Variants in KCNC2 observed in about 807,000 individuals in gnomAD.
KCNC2 encodes voltage-gated potassium channel KCNC2.
Under a neutral mutation model 44.5 loss-of-function variants are expected in KCNC2, and 21 were observed. The ratio of observed to expected loss-of-function variants is 0.47; its 90% CI spans 0.33 to 0.68. The LOEUF is 0.68. Ranked by LOEUF, KCNC2 falls within the 30% of genes least tolerant of loss-of-function variation. The pLI is 0.01. For synonymous variants in KCNC2, 391 were observed against 339.1 expected (o/e 1.15, Z -1.68); for missense variants, 589 against 826.2 (o/e 0.71, Z 3.52).
chr12:75,051,376 T>C, intron 2 of KCNC2, 59 bp from the exon 3 acceptor site: 1 of 973,274 alleles, frequency 1.0e-6, no homozygotes, highest in Non-Finnish European at 1.5e-6. Context: ...TATATGTTGA[T>C]TCTAATCTAA....
intron 2 of KCNC2, among the ~76,000 whole-genome samples, chr12:75,122,880 A>T (rs1468325594): frequency 6.6e-6 from 1 of 152,132 alleles, no homozygotes; most frequent in Non-Finnish European, 1.5e-5. Flanking sequence ...TTCACAAGAG[A>T]CTATTTTATT....
chr12:75,166,342 G>T (rs1052422397), intron 2 of KCNC2, among the ~76,000 whole-genome samples: 4 of 150,388 alleles, frequency 2.7e-5, no homozygotes, highest in African/African-American at 9.7e-5. Flanking sequence ...GGAAGAAATA[G>T]ATAATTCAAC....
intron 3 of KCNC2, among the ~76,000 whole-genome samples, chr12:75,049,408 A>C (rs528395169): frequency 9.9e-5 from 15 of 152,238 alleles, no homozygotes; most frequent in Admixed American, 8.5e-4. Context: ...GTTATGGGGA[A>C]TCAATAAACC....
intron 2 of KCNC2, among the ~76,000 whole-genome samples, chr12:75,147,398 C>A (rs1890098204): frequency 6.6e-6 from 1 of 152,050 alleles, no homozygotes; most frequent in Non-Finnish European, 1.5e-5. Context: ...ACTTTCTTAC[C>A]ATCATATTCA....
intron 2 of KCNC2, among the ~76,000 whole-genome samples, chr12:75,113,600 C>CCTCT (rs1887420752): frequency 6.6e-6 from 1 of 152,168 alleles, no homozygotes; most frequent in Non-Finnish European, 1.5e-5. Context: ...TCCATACCAA[C>CCTCT]ACCTCCAAAT....
intron 2 of KCNC2, among the ~76,000 whole-genome samples, chr12:75,075,219 C>T (rs1320718645): frequency 2.0e-5 from 3 of 151,992 alleles, no homozygotes; most frequent in African/African-American, 7.2e-5. Context: ...AATAGCTATA[C>T]ATCATCATTT....
intron 2 of KCNC2, among the ~76,000 whole-genome samples, chr12:75,147,800 C>T (rs1890128121): frequency 6.6e-6 from 1 of 152,030 alleles, no homozygotes; most frequent in Non-Finnish European, 1.5e-5. Context: ...CATGAAGAGA[C>T]CAAAGTAACC....
chr12:75,207,062 G>A lies in KCNC2; in HGVS notation c.687+235C>T, dbSNP rs1206039503. Among the ~76,000 whole-genome samples the A allele has an allele frequency of 4.6e-5, 7 of 152,224 alleles. No homozygotes were observed. The highest frequency in any genetic ancestry group is 1.7e-4 in the African/African-American group (7 of 41,462). ...GGCCCTCTAGGTCCCATCTGCTAAA[G>A]CAAATCTGTTTGAGTTGGGAGAAGA... is the stretch of plus-strand genomic sequence containing the variant. On this transcript the variant is annotated intron_variant, in intron 2 of 4. Transcript: ENST00000549446. The surrounding 1 kb of genome is among the most constrained non-coding windows in gnomAD (Gnocchi z 4.1).
At chr12:75,076,704 G>A (rs961893126) in intron 2 of KCNC2, among the ~76,000 whole-genome samples, 1 of 152,040 alleles carries the variant, frequency 6.6e-6, no homozygotes, top group East Asian at 1.9e-4. Context: ...TTCTTGATAC[G>A]TATTTATTTC....
intron 2 of KCNC2, among the ~76,000 whole-genome samples, chr12:75,191,475 A>T (rs2446348): frequency 0.051 from 7,539 of 146,952 alleles, 667 homozygotes; most frequent in African/African-American, 0.18. Flanking sequence ...TTAAAACCAC[A>T]AATTCATTCT....
intron 2 of KCNC2, among the ~76,000 whole-genome samples, chr12:75,194,445 C>T (rs2030581590): frequency 6.6e-6 from 1 of 152,116 alleles, no homozygotes; most frequent in Non-Finnish European, 1.5e-5. Context: ...AGAAACCAAG[C>T]CTGCCAAACT....
chr12:75,131,896 C>A (rs987862868), intron 2 of KCNC2, among the ~76,000 whole-genome samples: 1 of 152,120 alleles, frequency 6.6e-6, no homozygotes, highest in Non-Finnish European at 1.5e-5. Context: ...ACCGTTGAGC[C>A]AGCTTTGCGT....
At chr12:75,089,028 A>C (rs1311225505) in intron 2 of KCNC2, among the ~76,000 whole-genome samples, 1 of 151,912 alleles carries the variant, frequency 6.6e-6, no homozygotes, top group African/African-American at 2.4e-5. Context: ...TATTAAGCTC[A>C]AAATACTATG....
chr12:75,051,380 A>AG, intron 2 of KCNC2, 63 bp from the exon 3 acceptor site: 3 of 926,326 alleles, frequency 3.2e-6, no homozygotes, highest in Non-Finnish European at 4.8e-6. Flanking sequence ...TGTTGATTCT[A>AG]ATCTAAAAGC....
chr12:75,168,005 A>G (rs1593012732), intron 2 of KCNC2, among the ~76,000 whole-genome samples: 1 of 151,492 alleles, frequency 6.6e-6, no homozygotes, highest in Admixed American at 6.6e-5. Flanking sequence ...ATAATATGAG[A>G]TTGCCAGAGA....
intron 2 of KCNC2, among the ~76,000 whole-genome samples, chr12:75,051,719 A>G (rs1164767987): frequency 1.3e-5 from 2 of 152,076 alleles, no homozygotes; most frequent in Non-Finnish European, 2.9e-5. Context: ...CAAGTTTTAA[A>G]CCTTTAAATT....
chr12:75,089,283 C>G (rs1885280114), intron 2 of KCNC2, among the ~76,000 whole-genome samples: 1 of 151,704 alleles, frequency 6.6e-6, no homozygotes, highest in Non-Finnish European at 1.5e-5. Flanking sequence ...ATTTAATCTG[C>G]AGTCAATTAA....
chr12:75,198,265 T>C (rs1380082299), intron 2 of KCNC2, among the ~76,000 whole-genome samples: 2 of 151,886 alleles, frequency 1.3e-5, no homozygotes, highest in Non-Finnish European at 2.9e-5. Context: ...GATACAAATA[T>C]GAAAGTTGCT....
intron 2 of KCNC2, among the ~76,000 whole-genome samples, chr12:75,106,480 A>G (rs1193981133): frequency 6.6e-6 from 1 of 152,180 alleles, no homozygotes; most frequent in African/African-American, 2.4e-5. Context: ...AGGTGTCACT[A>G]AGGAAATGAG....
Sources: allele counts gnomAD v4.1 joint callset (sites outside exome capture counted in the v4.1 genomes callset), GRCh38; gene constraint gnomAD v4.1.1; non-coding constraint Gnocchi (gnomAD v3.1); transcripts MANE v1.5; gene names NCBI Gene and HGNC (gene_info 2026-07-23, HGNC 2026-07-21).